Variants in XRCC4 observed in about 807,000 individuals in gnomAD.
XRCC4 encodes X-ray repair cross complementing 4.
In XRCC4, 28 loss-of-function variants were observed where a neutral mutation model predicts 39.1. That is an observed-to-expected ratio of 0.72 (90% CI 0.53 to 0.98). The LOEUF is 0.98. XRCC4 is among the 50% of genes least tolerant of loss of function. The pLI is 0.00. For synonymous variants in XRCC4, 123 were observed against 126.4 expected (o/e 0.97, Z 0.18); for missense variants, 350 against 376.4 (o/e 0.93, Z 0.58).
Position 83,111,126 on chromosome 5 carries a change from C to T in XRCC4, c.238C>T (p.Pro80Ser), listed in dbSNP as rs757644947. The T allele has an allele frequency of 2.9e-5, 46 of 1,610,766 alleles. No homozygotes were observed. The highest frequency in any genetic ancestry group is 1.6e-4 in the Middle Eastern group (1 of 6,072). ...AAAAGCATTGTTGTCAGGAGCAGGACCAGCTGATGTATACACGTTTAATTT... is the reference window on the plus strand; with the variant it reads ...AAAAGCATTGTTGTCAGGAGCAGGATCAGCTGATGTATACACGTTTAATTT... ...LRKALLSGAG[P>S]ADVYTFNFSK... The change falls in exon 3 of 8, where the codon CCA (proline) becomes TCA (serine). Residue 80 changes from proline (P) to serine (S), a missense_variant. Transcript: ENST00000396027.
At chr5:83,142,566 G>A (rs1748234659) in intron 3 of XRCC4, among the ~76,000 whole-genome samples, 1 of 152,210 alleles carries the variant, frequency 6.6e-6, no homozygotes, top group Non-Finnish European at 1.5e-5. Context: ...CCTTGGCCAA[G>A]GGAGTGGAAG....
chr5:83,224,179 T>A (rs1435198588), intron 6 of XRCC4, among the ~76,000 whole-genome samples: 1 of 152,096 alleles, frequency 6.6e-6, no homozygotes, highest in Non-Finnish European at 1.5e-5. Context: ...TATTATTTTC[T>A]AGTGTTTTTT....
chr5:83,225,379 A>G lies in XRCC4; in HGVS notation c.745+20458A>G, dbSNP rs375885000. ...TTTCTGTACTGGGACAGGGAGAGGA[A>G]CTATGGAAAATGCCCATTCTCATGT... On this transcript the variant is annotated intron_variant, in intron 6 of 7. Coordinates refer to ENST00000396027, the MANE Select transcript of XRCC4 (RefSeq NM_003401.5). 5.3e-5 allele frequency among the ~76,000 whole-genome samples: 8 copies of G among 152,048 alleles called. No homozygotes were observed. In the East Asian group the frequency reaches 1.2e-3, roughly 22 times the overall value.
At chr5:83,153,906 T>G (rs1748835942) in intron 3 of XRCC4, among the ~76,000 whole-genome samples, 1 of 152,252 alleles carries the variant, frequency 6.6e-6, no homozygotes, top group South Asian at 2.1e-4. Flanking sequence ...TTTATTCACA[T>G]AATTGTGTTA....
At chr5:83,095,737 C>G (rs903532213) in intron 1 of XRCC4, among the ~76,000 whole-genome samples, 3 of 152,140 alleles carry the variant, frequency 2.0e-5, no homozygotes, top group Non-Finnish European at 4.4e-5. Flanking sequence ...CCTAGCAGAT[C>G]TTTGTACTTG....
chr5:83,083,227 C>T (rs962860417), intron 1 of XRCC4, among the ~76,000 whole-genome samples: 11 of 152,008 alleles, frequency 7.2e-5, no homozygotes, highest in African/African-American at 2.4e-4. Context: ...TTGTGTTCCC[C>T]TATTAAAATG....
rs1305091316 is a variant in XRCC4 at position 83,353,198 on chromosome 5, ACT to A, written c.964_965del (p.Leu322GlufsTer10). ...HISAENMSLETLRNSSPEDLF... is the reference protein window; with the variant it reads ...HISAENMSLEXLRNSSPEDLF... ...CTCAGCTGAAAACATGTCTTTAGAAACTCTGAGAAACAGCAGCCCAGAAGACC... is the reference window on the plus strand; with the variant it reads ...CTCAGCTGAAAACATGTCTTTAGAAACTGAGAAACAGCAGCCCAGAAGACC... On this transcript the variant is annotated frameshift_variant, in exon 8 of 8. Coordinates refer to ENST00000396027, the MANE Select transcript of XRCC4 (RefSeq NM_003401.5). LOFTEE classifies it high-confidence loss of function. 6.2e-7 allele frequency: 1 copy of A among 1,612,500 alleles called. No individual in the cohort carries two copies. The highest frequency in any genetic ancestry group is 1.7e-5 in the Admixed American group (1 of 59,820).
chr5:83,304,420 C>G (rs1337353373), intron 7 of XRCC4, among the ~76,000 whole-genome samples: 1 of 152,140 alleles, frequency 6.6e-6, no homozygotes, highest in Non-Finnish European at 1.5e-5. Flanking sequence ...TTTATTTGCT[C>G]TCTTACCTGA....
chr5:83,284,052 C>CAAAAAAA (rs766161565), intron 7 of XRCC4, among the ~76,000 whole-genome samples: 1 of 16,070 alleles, frequency 6.2e-5, no homozygotes, highest in Non-Finnish European at 1.3e-4. Flanking sequence ...CAACCCAGAG[C>CAAAAAAA]AAAAAAAAAA....
At chr5:83,324,070 C>A (rs1756166968) in intron 7 of XRCC4, among the ~76,000 whole-genome samples, 1 of 152,028 alleles carries the variant, frequency 6.6e-6, no homozygotes, top group Non-Finnish European at 1.5e-5. Context: ...ATCTCCAGTT[C>A]TTTTGACAAT....
chr5:83,111,845 T>C (rs1257074688), intron 3 of XRCC4, among the ~76,000 whole-genome samples: 1 of 152,164 alleles, frequency 6.6e-6, no homozygotes, highest in Non-Finnish European at 1.5e-5. Context: ...GTTTAATAGA[T>C]ACTGAATTTG....
chr5:83,192,319 A>ATATATGTTTT (rs3069585), intron 3 of XRCC4, among the ~76,000 whole-genome samples: 1 of 143,500 alleles, frequency 7.0e-6, no homozygotes, highest in Non-Finnish European at 1.5e-5. Flanking sequence ...ATATATATAT[A>ATATATGTTTT]TTTTTTTGAG....
intron 1 of XRCC4, among the ~76,000 whole-genome samples, chr5:83,084,285 T>A (rs1745086120): frequency 6.6e-6 from 1 of 152,180 alleles, no homozygotes; most frequent in Non-Finnish European, 1.5e-5. Context: ...GTTAATGCAT[T>A]GTATAGCCCT....
At chr5:83,148,630 G>A (rs1229702042) in intron 3 of XRCC4, among the ~76,000 whole-genome samples, 1 of 152,032 alleles carries the variant, frequency 6.6e-6, no homozygotes, top group African/African-American at 2.4e-5. Context: ...CAATAGGTGA[G>A]AATATAAAAT....
rs570208452 is a variant in XRCC4, at chr5:83,086,712, A to G, written c.-11+9097A>G. On this transcript the variant is annotated intron_variant, in intron 1 of 7. Transcript: ENST00000396027. ...TAGAGTGTAAGTGGACCCACACAGA[A>G]CAAACCTTCAGTTGTTCAGCGATCA... Among the ~76,000 whole-genome samples, 17 of 152,250 alleles carry G rather than the reference A, an allele frequency of 1.1e-4. No homozygotes were observed. In the South Asian group the frequency reaches 1.9e-3, roughly 17 times the overall value.
At chr5:83,103,025 T>TATACATAC (rs1554054083) in intron 1 of XRCC4, among the ~76,000 whole-genome samples, 1 of 142,660 alleles carries the variant, frequency 7.0e-6, no homozygotes, top group African/African-American at 2.8e-5. Context: ...TATATATATA[T>TATACATAC]ATATATGTCA....
At chr5:83,214,073 A>T (rs557498378) in intron 6 of XRCC4, among the ~76,000 whole-genome samples, 16 of 152,324 alleles carry the variant, frequency 1.1e-4, no homozygotes, top group African/African-American at 3.6e-4. Flanking sequence ...TAATAAAGGC[A>T]TCTAGGCAAA....
the XRCC4 span, among the ~76,000 whole-genome samples, chr5:83,372,148 T>C: frequency 6.6e-6 from 1 of 152,042 alleles, no homozygotes; most frequent in Admixed American, 6.6e-5. Context: ...TATACATCAA[T>C]CAACCATCTA....
At chr5:83,111,745 T>C (rs1746454986) in intron 3 of XRCC4, among the ~76,000 whole-genome samples, 1 of 152,150 alleles carries the variant, frequency 6.6e-6, no homozygotes, top group Non-Finnish European at 1.5e-5. Context: ...TATCTGCTAC[T>C]TATTCTGCTC....
Sources: allele counts gnomAD v4.1 joint callset (sites outside exome capture counted in the v4.1 genomes callset), GRCh38; gene constraint gnomAD v4.1.1; transcripts MANE v1.5; gene names NCBI Gene and HGNC (gene_info 2026-07-23, HGNC 2026-07-21).